PHACTR4: variants seen among roughly 807,000 people sequenced by gnomAD.
PHACTR4 encodes phosphatase and actin regulator 4, also known as protein phosphatase 1, regulatory subunit 124.
Under a neutral mutation model 72.7 loss-of-function variants are expected in PHACTR4, and 51 were observed. The ratio of observed to expected loss-of-function variants is 0.70; its 90% CI spans 0.56 to 0.89. PHACTR4 has a LOEUF of 0.89. Among genes scored for constraint, PHACTR4 ranks in the 40% least tolerant of loss-of-function variants. The probability of loss-of-function intolerance (pLI) is 0.00; values close to 1 mark genes in which losing one functional copy is unlikely to be tolerated. For synonymous variants in PHACTR4, 255 were observed against 302.5 expected (o/e 0.84, Z 1.63); for missense variants, 731 against 861.8 (o/e 0.85, Z 1.90).
At chr1:28,370,176 C>T (rs1239428613) in intron 1 of PHACTR4, among the ~76,000 whole-genome samples, 1 of 152,092 alleles carries the variant, frequency 6.6e-6, no homozygotes, top group African/African-American at 2.4e-5. Context: ...CCCCGGTCCC[C>T]AACAGGGACT....
Position 28,473,721 on chromosome 1 carries a change from G to C in PHACTR4, c.991G>C (p.Gly331Arg). Reference sequence around the variant, plus strand: ...AAGAGAGAAGAGCACGTGTTCTATGGGCTCGGAACTACTACCAATGATCTC... The same window carrying C: ...AAGAGAGAAGAGCACGTGTTCTATGCGCTCGGAACTACTACCAATGATCTC... ...DEREKSTCSM[G>R]SELLPMISPR... Residue 331 changes from glycine to arginine, a missense_variant, in exon 7 of 14, where the codon GGC becomes CGC. This residue lies in a region of PHACTR4 where 621 missense variants were observed against 676.6 expected (regional missense o/e 0.92). Transcript: ENST00000373839. 2.5e-6 allele frequency: 4 copies of C among 1,613,942 alleles called. No individual in the cohort carries two copies. The highest frequency in any genetic ancestry group is 3.4e-6 in the Non-Finnish European group (4 of 1,179,986).
rs558285390 is a variant in PHACTR4 at position 28,374,104 on chromosome 1, G to T, written c.-39+4279G>T. Reference sequence around the variant, plus strand: ...TTCTCTTAAATTATATTGAACATTGGTCCCATTACTTTGTCTTCTCATATG... The same window carrying T: ...TTCTCTTAAATTATATTGAACATTGTTCCCATTACTTTGTCTTCTCATATG... On this transcript the variant is annotated intron_variant, in intron 1 of 13. Transcript: ENST00000373839. 2.0e-5 allele frequency among the ~76,000 whole-genome samples: 3 copies of T among 152,266 alleles called. No individual in the cohort carries two copies. In the South Asian group the frequency reaches 6.2e-4, roughly 32 times the overall value.
chr1:28,372,922 C>T (rs942013664), intron 1 of PHACTR4, among the ~76,000 whole-genome samples: 1 of 149,970 alleles, frequency 6.7e-6, no homozygotes, highest in Non-Finnish European at 1.5e-5. Context: ...CTTAATTGTA[C>T]AAACATGACA....
At chr1:28,399,402 G>A (rs1161544275) in intron 1 of PHACTR4, among the ~76,000 whole-genome samples, 1 of 152,224 alleles carries the variant, frequency 6.6e-6, no homozygotes, top group Admixed American at 6.5e-5. Context: ...CTACTGTTAA[G>A]TGATATGGCA....
chr1:28,431,189 A>AC (rs1656237132), intron 2 of PHACTR4, among the ~76,000 whole-genome samples: 2 of 134,512 alleles, frequency 1.5e-5, no homozygotes, highest in African/African-American at 6.3e-5. Flanking sequence ...AAAAAAAAAA[A>AC]AACCAAAATA....
chr1:28,479,218 C>T (rs868478877), intron 8 of PHACTR4, among the ~76,000 whole-genome samples: 1 of 151,658 alleles, frequency 6.6e-6, no homozygotes. Flanking sequence ...GTCAGGAGTT[C>T]GAGATCAGCC....
chr1:28,482,620 T>A (rs1660347964), intron 9 of PHACTR4, among the ~76,000 whole-genome samples: 1 of 152,148 alleles, frequency 6.6e-6, no homozygotes, highest in South Asian at 2.1e-4. Flanking sequence ...AATTAAAATT[T>A]CTTTTTCTGT....
chr1:28,470,775 G>T (rs113076373), intron 6 of PHACTR4, among the ~76,000 whole-genome samples: 3 of 151,418 alleles, frequency 2.0e-5, no homozygotes, highest in South Asian at 2.1e-4. Context: ...CATAATCCCA[G>T]CACTTTGGGA....
chr1:28,418,054 CTTGAGT>C (rs1655223954), intron 2 of PHACTR4, among the ~76,000 whole-genome samples: 2 of 151,946 alleles, frequency 1.3e-5, no homozygotes, highest in African/African-American at 4.8e-5. Flanking sequence ...GGGAGGATTG[CTTGAGT>C]CCAGGAGGTC....
At position 28,487,520 on chromosome 1, in the gene PHACTR4, A is replaced by AC. The variant is rs2124545132; in HGVS notation, c.1761-1650_1761-1649insC. Among the ~76,000 whole-genome samples, 618 of 119,652 alleles carry AC rather than the reference A, an allele frequency of 5.2e-3. 1 individual carries two copies. The highest frequency in any genetic ancestry group is 0.028 in the African/African-American group (589 of 21,316). 78.5% of individuals were successfully genotyped at this position (119,652 alleles called of 152,430 possible). A position where few individuals can be genotyped will look rare whatever the true frequency, so the allele number is the denominator to read the frequency against. The stretch of plus-strand genomic sequence containing the variant: ...AGAGTGAGACCCTGACACACACACA[A>AC]AAAAAAAAAAAAAAAAAGGAAGGTC... On this transcript the variant is annotated intron_variant, in intron 9 of 13. Coordinates refer to ENST00000373839, the MANE Select transcript of PHACTR4 (RefSeq NM_001048183.3).
chr1:28,408,933 G>A (rs1249817153), intron 2 of PHACTR4, among the ~76,000 whole-genome samples: 1 of 151,332 alleles, frequency 6.6e-6, no homozygotes, highest in Non-Finnish European at 1.5e-5. Context: ...ACCTGCCTTG[G>A]CCTCCCAGAG....
intron 2 of PHACTR4, among the ~76,000 whole-genome samples, chr1:28,420,164 A>T (rs904310679): frequency 6.6e-6 from 1 of 152,116 alleles, no homozygotes; most frequent in Non-Finnish European, 1.5e-5. Context: ...TGGGAGAATC[A>T]CTTGTGCCTG....
In PHACTR4 at chr1:28,421,192, C is replaced by T. The variant is rs147718443; in HGVS notation, c.16+13729C>T. On this transcript the variant is annotated intron_variant, in intron 2 of 13. Transcript: ENST00000373839. Reference sequence around the variant, plus strand: ...TCAGAGCTTTGAGTTGACCCAAAGGCAGGGTAATTTTTACAAGATTACTGT... The same window carrying T: ...TCAGAGCTTTGAGTTGACCCAAAGGTAGGGTAATTTTTACAAGATTACTGT... Among the ~76,000 whole-genome samples the T allele has an allele frequency of 2.2e-3, 332 of 152,216 alleles. 1 individual carries two copies. Among genetic ancestry groups the T allele is most frequent in the African/African-American group, 7.6e-3 (317 of 41,522 alleles).
chr1:28,495,719 C>T (rs1189120963), intron 13 of PHACTR4, among the ~76,000 whole-genome samples: 1 of 151,478 alleles, frequency 6.6e-6, no homozygotes, highest in East Asian at 2.0e-4. Flanking sequence ...CATGTTCAAG[C>T]CATCCTCCCA....
At chr1:28,475,952 C>T (rs1659890151) in intron 7 of PHACTR4, among the ~76,000 whole-genome samples, 155 bp from the exon 8 acceptor site, 1 of 151,962 alleles carries the variant, frequency 6.6e-6, no homozygotes, top group Non-Finnish European at 1.5e-5. Context: ...GTCTCAAACT[C>T]CTGACCTCAG....
intron 8 of PHACTR4, among the ~76,000 whole-genome samples, chr1:28,479,603 A>T (rs1418634071): frequency 6.8e-6 from 1 of 146,090 alleles, no homozygotes; most frequent in East Asian, 2.0e-4. Context: ...AAAAAAAAAG[A>T]GGCCAGGCGT....
intron 1 of PHACTR4, among the ~76,000 whole-genome samples, chr1:28,385,380 C>A (rs1429759599): frequency 6.6e-6 from 1 of 151,784 alleles, no homozygotes; most frequent in Non-Finnish European, 1.5e-5. Flanking sequence ...CCCATCTCTA[C>A]TAAAAATTCA....
chr1:28,463,041 A>AT (rs1658924798), intron 4 of PHACTR4, among the ~76,000 whole-genome samples: 1 of 152,096 alleles, frequency 6.6e-6, no homozygotes, highest in Admixed American at 6.6e-5. Context: ...TCTATAAAAG[A>AT]TTTTTTAAAT....
chr1:28,370,015 A>T (rs1431691475), intron 1 of PHACTR4, among the ~76,000 whole-genome samples, 190 bp downstream of exon 1: 2 of 151,560 alleles, frequency 1.3e-5, no homozygotes, highest in East Asian at 3.9e-4. Context: ...GCCCTCCCAC[A>T]ACGGTCCAAC....
Sources: gnomAD v4.1 joint callset for allele counts (sites outside exome capture counted in the v4.1 genomes callset) on GRCh38, gnomAD v4.1.1 for gene constraint, gnomAD v4.1.1 regional missense constraint, MANE v1.5 for transcripts, NCBI Gene and HGNC (gene_info 2026-07-23, HGNC 2026-07-21) for gene names.